USP49: variants seen among roughly 807,000 people sequenced by gnomAD.
USP49 encodes the protein ubiquitin carboxyl-terminal hydrolase 49.
A neutral mutation model predicts 58.6 loss-of-function variants in USP49; 24 were observed. The ratio of observed to expected loss-of-function variants is 0.41; its 90% CI spans 0.30 to 0.58. The LOEUF (loss-of-function observed/expected upper bound fraction) is 0.58. Ranked by LOEUF, USP49 falls within the 20% of genes least tolerant of loss-of-function variation. The pLI is 0.30. For synonymous variants in USP49, 408 were observed against 365.1 expected (o/e 1.12, Z -1.34); for missense variants, 703 against 866.1 (o/e 0.81, Z 2.36).
rs931092546 is a variant in USP49, at chr6:41,803,500, C to T, written c.1561+306G>A. Among the ~76,000 whole-genome samples, 5 of 152,206 alleles carry T rather than the reference C, an allele frequency of 3.3e-5. No individual in the cohort carries two copies. Among genetic ancestry groups the T allele is most frequent in the Admixed American group, 3.3e-4 (5 of 15,276 alleles). On this transcript the variant is annotated intron_variant, in intron 5 of 7. Coordinates refer to ENST00000682992, the MANE Select transcript of USP49 (RefSeq NM_001286554.2). The surrounding 1 kb of genome is among the most constrained non-coding windows in gnomAD (Gnocchi z 4.1). ...TGTATTTTTAGTAGAGACAGGGTTT[C>T]ACCATGTTGGTCAGGCTGGTCTCAA...
At chr6:41,813,456 T>TA (rs541734536) in intron 3 of USP49, among the ~76,000 whole-genome samples, 88 of 150,648 alleles carry the variant, frequency 5.8e-4, no homozygotes, top group African/African-American at 1.8e-3. Context: ...ACTCCTCTGC[T>TA]AAAAAAAAAT....
At position 41,806,555 on chromosome 6, in the gene USP49, C is replaced by A. The variant is rs765387773; in HGVS notation, c.429G>T (p.Leu143=). The change falls in exon 4 of 8, where the codon CTG becomes CTT. Residue 143 remains leucine (L), a synonymous_variant. Coordinates refer to ENST00000682992, the MANE Select transcript of USP49 (RefSeq NM_001286554.2). This position sits in a 1 kb window ranked among gnomAD's most constrained non-coding sequence, Gnocchi z 5.9. ...PQGQPQMLTA[L]WYRRQRLLAR... Reference sequence around the variant, plus strand: ...CCAGCAGGCGCTGACGCCGGTACCACAGAGCCGTGAGCATCTGCGGCTGTC... The same window carrying A: ...CCAGCAGGCGCTGACGCCGGTACCAAAGAGCCGTGAGCATCTGCGGCTGTC... 5 of 1,602,298 alleles carry A rather than the reference C, an allele frequency of 3.1e-6. No individual in the cohort carries two copies. Among genetic ancestry groups the A allele is most frequent in the Non-Finnish European group, 4.2e-6 (5 of 1,178,994 alleles).
intron 1 of USP49, among the ~76,000 whole-genome samples, chr6:41,892,413 T>C (rs764439975): frequency 3.8e-4 from 58 of 152,204 alleles, no homozygotes; most frequent in Non-Finnish European, 7.6e-4. Flanking sequence ...ATCAAAGTTA[T>C]TCTTCATCTT....
intron 3 of USP49, among the ~76,000 whole-genome samples, chr6:41,854,981 CCAGGCTGGT>C (rs2127352144): frequency 6.6e-6 from 1 of 152,084 alleles, no homozygotes; most frequent in Non-Finnish European, 1.5e-5. Flanking sequence ...GCTACGTTGG[CCAGGCTGGT>C]CTCGAACTTC....
At chr6:41,866,171 C>T (rs775644776) in intron 3 of USP49, among the ~76,000 whole-genome samples, 2 of 151,746 alleles carry the variant, frequency 1.3e-5, no homozygotes, top group East Asian at 1.9e-4. Context: ...CCGCCCACCT[C>T]GGCCTCCCAA....
chr6:41,808,367 G>T (rs1773180811), intron 3 of USP49, among the ~76,000 whole-genome samples: 1 of 150,656 alleles, frequency 6.6e-6, no homozygotes, highest in Admixed American at 6.6e-5. Flanking sequence ...AATCAGAGAA[G>T]CCTTGTGGGC....
chr6:41,806,366 G>A lies in USP49; in HGVS notation c.618C>T (p.Arg206=). 2.0e-6 allele frequency: 3 copies of A among 1,536,144 alleles called. No individual in the cohort carries two copies. The highest frequency in any genetic ancestry group is 1.7e-6 in the Non-Finnish European group (2 of 1,152,150). ...LLEELASTPP[R]KSARLLLHTP... Reference sequence around the variant, plus strand: ...TGTGCAGGAGCAGCCGTGCACTCTTGCGCGGAGGGGTGCTGGCCAGCTCCT... The same window carrying A: ...TGTGCAGGAGCAGCCGTGCACTCTTACGCGGAGGGGTGCTGGCCAGCTCCT... The change falls in exon 4 of 8, where the codon CGC becomes CGT. Residue 206 remains arginine (R), a synonymous_variant. Coordinates refer to ENST00000682992, the MANE Select transcript of USP49 (RefSeq NM_001286554.2). The surrounding 1 kb of genome is among the most constrained non-coding windows in gnomAD (Gnocchi z 5.9).
rs574213194 is a variant in USP49, at chr6:41,858,148, A to T, written c.-29+13416T>A. Among the ~76,000 whole-genome samples the T allele has an allele frequency of 6.6e-5, 10 of 152,276 alleles. No individual in the cohort carries two copies. In the East Asian group the frequency reaches 1.9e-3, roughly 29 times the overall value. On this transcript the variant is annotated intron_variant, in intron 3 of 7. Coordinates refer to ENST00000682992, the MANE Select transcript of USP49 (RefSeq NM_001286554.2). ...ATTCAGGTATCTTCCTGGCTGCTGA[A>T]CAAAGTCTGTCCCTAATTAGAGACC... is the stretch of plus-strand genomic sequence containing the variant.
chr6:41,845,468 T>TG (rs1248325521), intron 3 of USP49, among the ~76,000 whole-genome samples: 27 of 151,544 alleles, frequency 1.8e-4, no homozygotes, highest in Middle Eastern at 6.8e-3. Context: ...TGTGGTAAGC[T>TG]GAGATGGCGC....
chr6:41,856,562 C>T (rs1179644393), intron 3 of USP49, among the ~76,000 whole-genome samples: 1 of 152,126 alleles, frequency 6.6e-6, no homozygotes, highest in Non-Finnish European at 1.5e-5. Flanking sequence ...TCAAATGATA[C>T]AGCACTACTG....
chr6:41,867,282 T>C (rs1774334524), intron 3 of USP49, among the ~76,000 whole-genome samples: 1 of 152,186 alleles, frequency 6.6e-6, no homozygotes, highest in Non-Finnish European at 1.5e-5. Flanking sequence ...TCTTCTCCTC[T>C]ACAACTTTCT....
Position 41,798,709 on chromosome 6 carries a change from G to A in USP49, c.1876+15C>T, listed in dbSNP as rs760720337. 6.2e-7 allele frequency: 1 copy of A among 1,613,532 alleles called. No homozygotes were observed. The highest frequency in any genetic ancestry group is 8.5e-7 in the Non-Finnish European group (1 of 1,179,624). On this transcript the variant is annotated intron_variant, in intron 7 of 7. Coordinates refer to ENST00000682992, the MANE Select transcript of USP49 (RefSeq NM_001286554.2). Reference sequence around the variant, plus strand: ...CTTTCCGTGTCCCCCACCCCACAGAGTAAAGCGCACGCACCTCCCTCTGTG... The same window carrying A: ...CTTTCCGTGTCCCCCACCCCACAGAATAAAGCGCACGCACCTCCCTCTGTG...
chr6:41,836,831 A>T (rs1773735704), intron 3 of USP49, among the ~76,000 whole-genome samples: 1 of 151,652 alleles, frequency 6.6e-6, no homozygotes, highest in African/African-American at 2.4e-5. Context: ...GAAGAGTATG[A>T]TCTCATTCAG....
chr6:41,865,037 T>C (rs2127356511), intron 3 of USP49, among the ~76,000 whole-genome samples: 1 of 152,068 alleles, frequency 6.6e-6, no homozygotes, highest in African/African-American at 2.4e-5. Flanking sequence ...TTTTTTTTAT[T>C]TTTATTTATT....
intron 3 of USP49, among the ~76,000 whole-genome samples, chr6:41,820,295 A>T (rs1201402058): frequency 6.6e-6 from 1 of 152,064 alleles, no homozygotes; most frequent in African/African-American, 2.4e-5. Flanking sequence ...AAACCACTGC[A>T]ATTAAAACAA....
chr6:41,861,593 G>A (rs184116132), intron 3 of USP49, among the ~76,000 whole-genome samples: 25 of 152,212 alleles, frequency 1.6e-4, no homozygotes, highest in Admixed American at 1.4e-3. Context: ...AATATTTTAT[G>A]CATTTAGAAA....
chr6:41,806,773 C>A lies in USP49; in HGVS notation c.211G>T (p.Asp71Tyr), dbSNP rs1247850444. 6.2e-6 allele frequency: 10 copies of A among 1,614,210 alleles called. No homozygotes were observed. Among genetic ancestry groups the A allele is most frequent in the Non-Finnish European group, 8.5e-6 (10 of 1,180,022 alleles). Residue 71 changes from aspartate (D) to tyrosine (Y), a missense_variant, in exon 4 of 8, where the codon GAT (aspartate) becomes TAT (tyrosine). This residue lies in a region of USP49 where 376 missense variants were observed against 373.5 expected (regional missense o/e 1.01). Coordinates refer to ENST00000682992, the MANE Select transcript of USP49 (RefSeq NM_001286554.2). This position sits in a 1 kb window ranked among gnomAD's most constrained non-coding sequence, Gnocchi z 5.9. ...CACAGGTAACAGAACACGTAGAGAT[C>A]CCGGACTTCCATGGCTAGCGGGTGT... ...TGHPLAMEVR[D>Y]LYVFCYLCKD...
intron 2 of USP49, chr6:41,873,955 G>C (rs1420030276): frequency 6.6e-6 from 1 of 152,154 alleles, no homozygotes; most frequent in Non-Finnish European, 1.5e-5. Context: ...AAATGGGTGG[G>C]AAGTGAAATT....
intron 3 of USP49, among the ~76,000 whole-genome samples, chr6:41,812,855 GA>G (rs1773283155): frequency 6.6e-6 from 1 of 151,944 alleles, no homozygotes; most frequent in Admixed American, 6.6e-5. Context: ...CAATGAGAGG[GA>G]TATCAATATT....
Sources: gnomAD v4.1 joint callset for allele counts (sites outside exome capture counted in the v4.1 genomes callset) on GRCh38, gnomAD v4.1.1 for gene constraint, gnomAD v4.1.1 regional missense constraint, Gnocchi (gnomAD v3.1) non-coding constraint, MANE v1.5 for transcripts, NCBI Gene and HGNC (gene_info 2026-07-23, HGNC 2026-07-21) for gene names.